REDIC1: variants seen among roughly 807,000 people sequenced by gnomAD.
REDIC1 encodes the protein regulator of DNA class I crossover intermediates 1.
At chr12:39,674,984 G>A in the REDIC1 span, among the ~76,000 whole-genome samples, 12 of 152,202 alleles carry the variant, frequency 7.9e-5, no homozygotes, top group Non-Finnish European at 4.4e-5. Context: ...GAGGGGCAAG[G>A]CCTGGGAGCC....
the REDIC1 span, among the ~76,000 whole-genome samples, chr12:39,727,842 G>A: frequency 1.3e-5 from 2 of 152,098 alleles, no homozygotes; most frequent in African/African-American, 4.8e-5. Context: ...GCAGTGGTTT[G>A]TAGTTCTCCT....
the REDIC1 span, among the ~76,000 whole-genome samples, chr12:39,764,287 C>T: frequency 6.6e-6 from 1 of 152,054 alleles, no homozygotes; most frequent in Non-Finnish European, 1.5e-5. Flanking sequence ...GAGAATCCCT[C>T]TCTTCTTTCC....
chr12:39,652,578 CA>C, the REDIC1 span, among the ~76,000 whole-genome samples: 1 of 151,972 alleles, frequency 6.6e-6, no homozygotes, highest in African/African-American at 2.4e-5. Flanking sequence ...TTTTGAAGTG[CA>C]AAAGGTTTAA....
chr12:39,903,596 C>A, the REDIC1 span, among the ~76,000 whole-genome samples: 2 of 151,964 alleles, frequency 1.3e-5, no homozygotes, highest in Non-Finnish European at 2.9e-5. Flanking sequence ...CTCATGAGTT[C>A]TAGTTTTCAA....
the REDIC1 span, among the ~76,000 whole-genome samples, chr12:39,685,719 T>G: frequency 6.6e-6 from 1 of 152,088 alleles, no homozygotes; most frequent in Non-Finnish European, 1.5e-5. Flanking sequence ...CTTAACTCAC[T>G]CCAGCATTAA....
chr12:39,859,715 T>G, the REDIC1 span, among the ~76,000 whole-genome samples: 1 of 152,018 alleles, frequency 6.6e-6, no homozygotes, highest in Admixed American at 6.5e-5. Context: ...TTAGTAGAGC[T>G]GGGGTTTCAC....
chr12:39,631,880 A>C, the REDIC1 span, among the ~76,000 whole-genome samples: 1 of 152,150 alleles, frequency 6.6e-6, no homozygotes, highest in Non-Finnish European at 1.5e-5. Context: ...CTTTCTTCTG[A>C]AAACTATGAG....
At chr12:39,744,962 G>A in the REDIC1 span, among the ~76,000 whole-genome samples, 1 of 152,010 alleles carries the variant, frequency 6.6e-6, no homozygotes, top group Non-Finnish European at 1.5e-5. Context: ...TCAATATAAC[G>A]ATACATATAT....
chr12:39,837,891 TG>T, the REDIC1 span, among the ~76,000 whole-genome samples: 2 of 151,056 alleles, frequency 1.3e-5, no homozygotes, highest in South Asian at 4.2e-4. Context: ...ACACTGTTGG[TG>T]GGACTGTAAA....
chr12:39,730,724 T>C, the REDIC1 span, among the ~76,000 whole-genome samples: 2 of 152,230 alleles, frequency 1.3e-5, no homozygotes, highest in Admixed American at 6.5e-5. Flanking sequence ...GGAGTTCTCC[T>C]GGATAATATC....
At chr12:39,711,493 A>G in the REDIC1 span, among the ~76,000 whole-genome samples, 519 of 143,714 alleles carry the variant, frequency 3.6e-3, 3 homozygotes, top group African/African-American at 0.012. Context: ...ATATATGTAT[A>G]TAAGTATGTA....
the REDIC1 span, among the ~76,000 whole-genome samples, chr12:39,841,142 C>T: frequency 6.6e-6 from 1 of 152,014 alleles, no homozygotes; most frequent in East Asian, 1.9e-4. Context: ...GAGTTAGATG[C>T]AAAAAATTTT....
At chr12:39,723,803 A>G in the REDIC1 span, among the ~76,000 whole-genome samples, 1 of 151,846 alleles carries the variant, frequency 6.6e-6, no homozygotes, top group Non-Finnish European at 1.5e-5. Flanking sequence ...GTTCACAACA[A>G]CTCTAGGAAG....
the REDIC1 span, among the ~76,000 whole-genome samples, chr12:39,817,507 A>G: frequency 6.6e-6 from 1 of 152,182 alleles, no homozygotes; most frequent in Non-Finnish European, 1.5e-5. Flanking sequence ...CTGAAATGAA[A>G]CTTTTGCATC....
At chr12:39,833,892 TAA>T in the REDIC1 span, among the ~76,000 whole-genome samples, 644 of 88,344 alleles carry the variant, frequency 7.3e-3, 2 homozygotes, top group African/African-American at 0.016. Flanking sequence ...AGCATGGTCA[TAA>T]AAAAAAAAAA....
At chr12:39,633,367 A>G in the REDIC1 span, among the ~76,000 whole-genome samples, 1 of 152,196 alleles carries the variant, frequency 6.6e-6, no homozygotes, top group Non-Finnish European at 1.5e-5. Flanking sequence ...CTTGTTCCAC[A>G]GGAAGGTCTT....
At chr12:39,891,478 A>C in the REDIC1 span, among the ~76,000 whole-genome samples, 3 of 152,286 alleles carry the variant, frequency 2.0e-5, no homozygotes, top group South Asian at 2.1e-4. Context: ...ATTTATCTTA[A>C]GAAAGCATAT....
the REDIC1 span, among the ~76,000 whole-genome samples, chr12:39,891,880 A>T: frequency 1.3e-5 from 2 of 152,180 alleles, no homozygotes; most frequent in Non-Finnish European, 2.9e-5. Context: ...AAGTGGTTTG[A>T]TCATTATTAT....
At chr12:39,817,023 C>G in the REDIC1 span, among the ~76,000 whole-genome samples, 104,211 of 151,798 alleles carry the variant, frequency 0.69, 36,010 homozygotes, top group East Asian at 0.78. Flanking sequence ...CCAAGAACCA[C>G]AAATGCCTTG....
Sources: gnomAD v4.1 joint callset for allele counts (sites outside exome capture counted in the v4.1 genomes callset) on GRCh38, gnomAD v4.1.1 for gene constraint, MANE v1.5 for transcripts, NCBI Gene and HGNC (gene_info 2026-07-23, HGNC 2026-07-21) for gene names.